The following ZNF583 variants were observed in gnomAD, a reference collection of about 807,000 sequenced individuals.
ZNF583 encodes the protein zinc finger protein 583, also known as zinc finger protein L3-5.
ZNF583 carries 30 observed loss-of-function variants against 55.3 expected under a neutral mutation model. The ratio of observed to expected loss-of-function variants is 0.54; its 90% confidence interval spans 0.41 to 0.74. The LOEUF (loss-of-function observed/expected upper bound fraction) is 0.74, where lower values mean the gene tolerates loss of function less well. ZNF583 is among the 30% of genes least tolerant of loss of function. The pLI, the probability that ZNF583 is intolerant of heterozygous loss-of-function variation, is 0.00. For missense variants in ZNF583, 504 were observed against 664.7 expected, an observed-to-expected ratio of 0.76 and a Z score of 2.66; for synonymous variants, 208 against 220.0, an observed-to-expected ratio of 0.95 and a Z score of 0.48.
chr19:56,405,826 G>GTTAC (rs1223186199), intron 1 of ZNF583, among the ~76,000 whole-genome samples: 1 of 152,222 alleles, frequency 6.6e-6, no homozygotes, highest in Admixed American at 6.5e-5. Flanking sequence ...ATAGGGAATA[G>GTTAC]TTACCATTTC....
chr19:56,427,283 A>G lies in ZNF583; in HGVS notation c.*2915A>G, dbSNP rs1274853077. ...TCCTTATTTCACACCATTAACAAGTATAAGTTCTAACTGAATAAAAATCTA... is the reference window on the plus strand; with the variant it reads ...TCCTTATTTCACACCATTAACAAGTGTAAGTTCTAACTGAATAAAAATCTA... On this transcript the variant is annotated 3_prime_UTR_variant, in exon 5 of 5. Transcript: ENST00000333201. 3 of 152,336 alleles carry G rather than the reference A, an allele frequency of 2.0e-5. No homozygotes were observed. Among genetic ancestry groups the G allele is most frequent in the Admixed American group, 6.5e-5 (1 of 15,304 alleles). 9.4% of individuals were successfully genotyped at this position (152,336 alleles called of 1,614,324 possible).
In ZNF583 at chr19:56,423,622, A is replaced by G; in HGVS notation, c.964A>G (p.Arg322Gly). 1 of 1,614,154 alleles carries G rather than the reference A, an allele frequency of 6.2e-7. No individual in the cohort carries two copies. The change falls in exon 5 of 5, where the codon AGA becomes GGA. Residue 322 changes from arginine (R) to glycine (G), a missense_variant. Physicochemically the swap from Arg to Gly is moderately radical, Grantham distance 125. Transcript: ENST00000333201. ...GCATCAGAGAGTTCATACTGGAGAG[A>G]GACCTTTCGAATGTATTGAATGTGG... ...TQHQRVHTGE[R>G]PFECIECGKA...
intron 4 of ZNF583, among the ~76,000 whole-genome samples, chr19:56,418,355 G>A (rs544311203): frequency 1.3e-5 from 2 of 152,196 alleles, no homozygotes; most frequent in African/African-American, 4.8e-5. Context: ...TGGAAGGATT[G>A]CTTGAGTCCA....
intron 3 of ZNF583, 83 bp downstream of exon 3, chr19:56,414,168 A>T (rs2042281351): frequency 6.5e-7 from 1 of 1,543,226 alleles, no homozygotes; most frequent in East Asian, 2.2e-5. Flanking sequence ...GACGTGCTTC[A>T]CTAAATTTCC....
rs367601882 is a variant in ZNF583, at chr19:56,413,255, A to T, written c.10-704A>T. Among the ~76,000 whole-genome samples the T allele has an allele frequency of 6.6e-5, 10 of 152,352 alleles. No individual in the cohort carries two copies. The East Asian group carries it at 1.5e-3, about 23-fold the overall frequency. On this transcript the variant is annotated intron_variant, in intron 2 of 4. Transcript: ENST00000333201. ...GTGAGATGAGATGCATCACTTTGAC[A>T]GCTGGTTGGCAAATGTTGTCTTTGC...
chr19:56,414,183 C>A, intron 3 of ZNF583, 98 bp downstream of exon 3: 1 of 1,527,570 alleles, frequency 6.5e-7, no homozygotes, highest in Non-Finnish European at 8.9e-7. Flanking sequence ...ATTTCCTTTT[C>A]TTGTGCTTCC....
chr19:56,407,151 T>A (rs1352322735), intron 2 of ZNF583, 28 bp downstream of exon 2: 2 of 1,613,430 alleles, frequency 1.2e-6, no homozygotes, highest in African/African-American at 1.3e-5. Flanking sequence ...CTCTCTTCCC[T>A]AAAATGCCAT....
At chr19:56,412,274 C>T (rs2042249995) in intron 2 of ZNF583, among the ~76,000 whole-genome samples, 1 of 152,214 alleles carries the variant, frequency 6.6e-6, no homozygotes, top group East Asian at 1.9e-4. Flanking sequence ...ATGTCAAAAC[C>T]AAGATGCATA....
rs1415320702 is a variant in ZNF583 at position 56,416,340 on chromosome 19, AAAG to A, written c.232+1903_232+1905del. ...ACTCCGTCTCAAAAAAAAAAAAAAA[AAAG>A]AATACATTTATTAGGTTGCTCTACT... is the stretch of plus-strand genomic sequence containing the variant. On this transcript the variant is annotated intron_variant, in intron 4 of 4. Transcript: ENST00000333201. Among the ~76,000 whole-genome samples the A allele has an allele frequency of 2.9e-4, 44 of 151,960 alleles. No individual in the cohort carries two copies. The South Asian group carries it at 9.2e-3, about 32-fold the overall frequency.
intron 4 of ZNF583, among the ~76,000 whole-genome samples, chr19:56,419,492 C>T (rs2042381575): frequency 6.6e-6 from 1 of 152,162 alleles, no homozygotes. Flanking sequence ...CCACGCCCAG[C>T]CTGCGGGTTT....
At chr19:56,419,503 ACTTT>A (rs2042381882) in intron 4 of ZNF583, among the ~76,000 whole-genome samples, 1 of 152,040 alleles carries the variant, frequency 6.6e-6, no homozygotes, top group South Asian at 2.1e-4. Flanking sequence ...CTGCGGGTTT[ACTTT>A]CTTATAATTT....
chr19:56,410,624 C>T (rs1205275036), intron 2 of ZNF583, among the ~76,000 whole-genome samples: 2 of 152,116 alleles, frequency 1.3e-5, no homozygotes, highest in African/African-American at 4.8e-5. Context: ...ATTGCTTGAA[C>T]ATGGGAGGTG....
intron 4 of ZNF583, among the ~76,000 whole-genome samples, chr19:56,418,980 C>G (rs2042371375): frequency 6.6e-6 from 1 of 152,058 alleles, no homozygotes; most frequent in South Asian, 2.1e-4. Context: ...ACTATTTCTA[C>G]ATCTGTTGAA....
Position 56,424,193 on chromosome 19 carries a change from G to C in ZNF583, c.1535G>C (p.Arg512Thr). The change falls in exon 5 of 5, where the codon AGA becomes ACA. Residue 512 changes from arginine (R) to threonine (T), a missense_variant. Arg to Thr is a moderately conservative substitution (Grantham distance 71). Transcript: ENST00000333201. Reference sequence around the variant, plus strand: ...AGTGGATCTCTTACTCTACATCAGAGAATTCATACTGGAGAAAGACCCTAT... The same window carrying C: ...AGTGGATCTCTTACTCTACATCAGACAATTCATACTGGAGAAAGACCCTAT... Reference protein sequence around the residue: ...SYSGSLTLHQRIHTGERPYEC... With the variant: ...SYSGSLTLHQTIHTGERPYEC... 1.2e-6 allele frequency: 2 copies of C among 1,613,818 alleles called. No individual in the cohort carries two copies. Among genetic ancestry groups the C allele is most frequent in the Non-Finnish European group, 1.7e-6 (2 of 1,179,940 alleles).
chr19:56,406,610 G>A (rs1180291021), intron 1 of ZNF583, among the ~76,000 whole-genome samples: 1 of 140,174 alleles, frequency 7.1e-6, no homozygotes, highest in African/African-American at 2.7e-5. Flanking sequence ...TTGGCTCACT[G>A]CAAGCTCCGC....
Position 56,424,278 on chromosome 19 carries a change from A to G in ZNF583, c.1620A>G (p.Arg540=). The G allele has an allele frequency of 6.2e-7, 1 of 1,613,954 alleles. No homozygotes were observed. The highest frequency in any genetic ancestry group is 8.5e-7 in the Non-Finnish European group (1 of 1,179,954). ...GTGCACATCTTGCTCATCATGAGAGAATTCATACTATGGAGTCATTCTTGA... is the reference window on the plus strand; with the variant it reads ...GTGCACATCTTGCTCATCATGAGAGGATTCATACTATGGAGTCATTCTTGA... ...RQRAHLAHHE[R]IHTMESFLTL... is the part of the protein sequence containing the mutation. The change falls in exon 5 of 5, where the codon AGA becomes AGG. Residue 540 remains arginine, a synonymous_variant. Coordinates refer to ENST00000333201, the MANE Select transcript of ZNF583 (RefSeq NM_152478.3).
chr19:56,410,876 C>T (rs574674952), intron 2 of ZNF583, among the ~76,000 whole-genome samples: 3 of 151,958 alleles, frequency 2.0e-5, no homozygotes, highest in Admixed American at 6.6e-5. Context: ...TATAAGGAAC[C>T]GTTTGAGCAG....
chr19:56,406,989 C>A (rs1024638188), intron 1 of ZNF583, 37 bp from the exon 2 acceptor site: 2 of 1,007,578 alleles, frequency 2.0e-6, no homozygotes, highest in East Asian at 5.0e-5. Context: ...AGCTGCAGGG[C>A]AGGCCTGGCA....
intron 1 of ZNF583, among the ~76,000 whole-genome samples, chr19:56,406,206 A>G (rs1387876781): frequency 6.6e-6 from 1 of 152,186 alleles, no homozygotes; most frequent in Non-Finnish European, 1.5e-5. Flanking sequence ...ACCACACTAC[A>G]TGGACCCTCT....
Sources: gnomAD v4.1 joint callset for allele counts (sites outside exome capture counted in the v4.1 genomes callset) on GRCh38, gnomAD v4.1.1 for gene constraint, MANE v1.5 for transcripts, NCBI Gene and HGNC (gene_info 2026-07-23, HGNC 2026-07-21) for gene names.